CIRSR: variants seen among roughly 807,000 people sequenced by gnomAD.
CIRSR encodes the protein corepressor of RBPJ and splicing regulator, also known as CBF1 (RBPJ) interacting corepressor 1.
chr2:174,370,011 G>T, the CIRSR span: 1 of 1,365,246 alleles, frequency 7.3e-7, no homozygotes, highest in South Asian at 1.1e-5. Context: ...TTGTAACACA[G>T]CATCTGCAAA....
At chr2:174,370,048 T>C in the CIRSR span, 3 of 1,361,416 alleles carry the variant, frequency 2.2e-6, no homozygotes, top group Non-Finnish European at 2.9e-6. Flanking sequence ...CATGATCAAA[T>C]AAGGCATGCC....
the CIRSR span, chr2:174,380,180 G>C: frequency 6.5e-7 from 1 of 1,529,564 alleles, no homozygotes; most frequent in East Asian, 2.3e-5. Context: ...TATTCTTACA[G>C]AGTAAAATAT....
chr2:174,387,333 C>A, the CIRSR span: 1 of 172,474 alleles, frequency 5.8e-6, no homozygotes, highest in South Asian at 1.4e-4. Context: ...GTCACTTTAC[C>A]TTTCCTCTTG....
the CIRSR span, among the ~76,000 whole-genome samples, chr2:174,359,437 A>C: frequency 6.6e-6 from 1 of 152,092 alleles, no homozygotes; most frequent in East Asian, 1.9e-4. Context: ...ATATCTCTCT[A>C]TGAGAAGACC....
the CIRSR span, among the ~76,000 whole-genome samples, chr2:174,364,081 T>G: frequency 6.6e-5 from 10 of 152,318 alleles, no homozygotes; most frequent in South Asian, 2.1e-3. Context: ...GCAGGTTAGT[T>G]ACTTCCTAGA....
the CIRSR span, among the ~76,000 whole-genome samples, chr2:174,393,206 G>C: frequency 0.051 from 7,729 of 152,142 alleles, 278 homozygotes; most frequent in Middle Eastern, 0.12. Context: ...CAGTCCACAA[G>C]AAGACTAAAG....
At chr2:174,380,136 C>G in the CIRSR span, 1 of 1,136,918 alleles carries the variant, frequency 8.8e-7, no homozygotes, top group Non-Finnish European at 1.3e-6. Flanking sequence ...ACCTTTTAGA[C>G]AACAATATAA....
chr2:174,386,558 C>T, the CIRSR span, among the ~76,000 whole-genome samples: 1 of 152,088 alleles, frequency 6.6e-6, no homozygotes, highest in Non-Finnish European at 1.5e-5. Context: ...CTGTCCTGTG[C>T]ATTGTAGGCT....
the CIRSR span, among the ~76,000 whole-genome samples, chr2:174,352,214 C>G: frequency 6.6e-6 from 1 of 151,574 alleles, no homozygotes; most frequent in Non-Finnish European, 1.5e-5. Context: ...ATCACACACA[C>G]ACACACACAC....
the CIRSR span, chr2:174,351,709 G>A: frequency 6.2e-7 from 1 of 1,612,746 alleles, no homozygotes; most frequent in African/African-American, 1.3e-5. Context: ...TTAGCTCCGA[G>A]GGGTGCATCG....
At chr2:174,373,304 CT>C in the CIRSR span, among the ~76,000 whole-genome samples, 2 of 151,556 alleles carry the variant, frequency 1.3e-5, no homozygotes, top group Admixed American at 6.6e-5. Context: ...TTCTATAAGA[CT>C]GAGACAAAGA....
the CIRSR span, among the ~76,000 whole-genome samples, chr2:174,394,583 AAGGTGTATCTGTGTT>A: frequency 6.6e-6 from 1 of 152,224 alleles, no homozygotes. Flanking sequence ...AAGAGCTTTC[AAGGTGTATCTGTGTT>A]ATTAAAATTT....
chr2:174,372,388 GTCTC>G, the CIRSR span, among the ~76,000 whole-genome samples: 2 of 151,940 alleles, frequency 1.3e-5, no homozygotes, highest in Non-Finnish European at 2.9e-5. Context: ...AAAAGTATCT[GTCTC>G]TCTGTCTACA....
chr2:174,369,168 CTGGAGAACTTGCTGCAGCTTCTACATCA>C, the CIRSR span, among the ~76,000 whole-genome samples: 9 of 152,346 alleles, frequency 5.9e-5, no homozygotes, highest in East Asian at 1.7e-3. Context: ...GCTATATTTT[CTGGAGAACTTGCTGCAGCTTCTACATCA>C]GCATTTGCTG....
chr2:174,351,059 C>G, the CIRSR span, among the ~76,000 whole-genome samples: 22 of 152,072 alleles, frequency 1.4e-4, no homozygotes, highest in Non-Finnish European at 2.8e-4. Context: ...AATGTTAACT[C>G]TTGCCAGTTT....
At chr2:174,368,490 A>G in the CIRSR span, among the ~76,000 whole-genome samples, 2 of 152,356 alleles carry the variant, frequency 1.3e-5, no homozygotes, top group African/African-American at 2.4e-5. Flanking sequence ...TCAAAAAAGT[A>G]GTCTCAAGAG....
At chr2:174,365,692 G>C in the CIRSR span, among the ~76,000 whole-genome samples, 57 of 152,160 alleles carry the variant, frequency 3.7e-4, no homozygotes, top group Admixed American at 3.5e-3. Flanking sequence ...AAAACCATCA[G>C]ATCTCATGAG....
At chr2:174,378,869 G>C in the CIRSR span, 1 of 1,276,662 alleles carries the variant, frequency 7.8e-7, no homozygotes, top group Admixed American at 1.7e-5. Context: ...GAAAAATGTT[G>C]TTTTATCTTT....
chr2:174,376,763 A>G, the CIRSR span, among the ~76,000 whole-genome samples: 2 of 141,996 alleles, frequency 1.4e-5, no homozygotes, highest in African/African-American at 2.7e-5. Flanking sequence ...GTGCCACCAC[A>G]CTCCAGCCTG....
Sources: allele counts gnomAD v4.1 joint callset (sites outside exome capture counted in the v4.1 genomes callset), GRCh38; gene constraint gnomAD v4.1.1; transcripts MANE v1.5; gene names NCBI Gene and HGNC (gene_info 2026-07-23, HGNC 2026-07-21).